ASTN2: variants seen among roughly 807,000 people sequenced by gnomAD.
ASTN2 encodes astrotactin-2.
A neutral mutation model predicts 139.8 loss-of-function variants in ASTN2; 54 were observed. The observed-to-expected ratio is 0.39, with a 90% confidence interval of 0.31 to 0.48. The LOEUF (loss-of-function observed/expected upper bound fraction) is 0.48. Among genes scored for constraint, ASTN2 ranks in the 20% least tolerant of loss-of-function variants. The pLI is 0.95. For missense variants in ASTN2, 1,565 were observed against 1,725.1 expected (o/e 0.91, Z 1.64); for synonymous variants, 756 against 719.5 (o/e 1.05, Z -0.81).
intron 20 of ASTN2, among the ~76,000 whole-genome samples, chr9:116,463,302 C>T (rs1341964299): frequency 6.6e-6 from 1 of 152,102 alleles, no homozygotes; most frequent in Non-Finnish European, 1.5e-5. Context: ...AAATGGTTAT[C>T]CAGTGCTGTC....
At chr9:116,997,596 T>C (rs947249227) in intron 7 of ASTN2, among the ~76,000 whole-genome samples, 2 of 152,198 alleles carry the variant, frequency 1.3e-5, no homozygotes, top group South Asian at 2.1e-4. Context: ...CTTTTCTCAA[T>C]GCTAAGCAAA....
chr9:116,801,353 G>T (rs1026918514), intron 13 of ASTN2, among the ~76,000 whole-genome samples: 12 of 151,814 alleles, frequency 7.9e-5, no homozygotes, highest in African/African-American at 2.9e-4. Context: ...GAGGCCAAGG[G>T]GGGTGGATCG....
chr9:116,844,044 G>C (rs542497781), intron 11 of ASTN2, among the ~76,000 whole-genome samples: 37 of 152,146 alleles, frequency 2.4e-4, no homozygotes, highest in Non-Finnish European at 4.6e-4. Flanking sequence ...ATAAAAATAA[G>C]ATTAATCCAG....
rs141219457 is a variant in ASTN2 at position 117,269,991 on chromosome 9, C to T, written c.630+21335G>A. 5.3e-5 allele frequency among the ~76,000 whole-genome samples: 8 copies of T among 152,148 alleles called. No individual in the cohort carries two copies. The East Asian group carries it at 5.8e-4, about 11-fold the overall frequency. On this transcript the variant is annotated intron_variant, in intron 2 of 22. Coordinates refer to ENST00000313400, the MANE Select transcript of ASTN2 (RefSeq NM_001365068.1). ...TTTCCTATTTTACAGAAAAGAAAGC[C>T]GTGGCTCAAAAAGTGAATTAATTTG...
At chr9:117,072,204 T>C (rs1201979433) in intron 5 of ASTN2, among the ~76,000 whole-genome samples, 1 of 152,174 alleles carries the variant, frequency 6.6e-6, no homozygotes, top group Non-Finnish European at 1.5e-5. Flanking sequence ...AGTAATAAAT[T>C]ATTCTATCGT....
At chr9:116,439,386 G>A (rs1187183397) in intron 22 of ASTN2, among the ~76,000 whole-genome samples, 1 of 145,596 alleles carries the variant, frequency 6.9e-6, no homozygotes, top group South Asian at 2.7e-4. Flanking sequence ...ATTTTTAGTA[G>A]AGACGGGGTT....
At chr9:116,765,678 TA>T (rs1184274157) in intron 13 of ASTN2, among the ~76,000 whole-genome samples, 2 of 152,026 alleles carry the variant, frequency 1.3e-5, no homozygotes, top group Non-Finnish European at 2.9e-5. Context: ...GTACAGGCAT[TA>T]AAAAATACGG....
intron 10 of ASTN2, among the ~76,000 whole-genome samples, chr9:116,948,740 A>T (rs1276506578): frequency 1.3e-5 from 2 of 149,188 alleles, no homozygotes; most frequent in South Asian, 2.2e-4. Context: ...TAAGAGACAG[A>T]AAAACAGAGA....
chr9:117,277,541 G>A (rs1262573323), intron 2 of ASTN2, among the ~76,000 whole-genome samples: 2 of 152,104 alleles, frequency 1.3e-5, no homozygotes, highest in Non-Finnish European at 2.9e-5. Flanking sequence ...ATTAAAAATG[G>A]AACTACCATA....
chr9:116,931,631 T>G (rs1319197341), intron 10 of ASTN2, among the ~76,000 whole-genome samples: 1 of 152,216 alleles, frequency 6.6e-6, no homozygotes, highest in Non-Finnish European at 1.5e-5. Context: ...TACTGGACAC[T>G]GTCTTAGGAG....
At chr9:116,481,171 T>C (rs1338042591) in intron 20 of ASTN2, among the ~76,000 whole-genome samples, 1 of 152,068 alleles carries the variant, frequency 6.6e-6, no homozygotes, top group East Asian at 1.9e-4. Flanking sequence ...GTAAATGGCT[T>C]GAGCTCGAGA....
intron 20 of ASTN2, among the ~76,000 whole-genome samples, chr9:116,472,742 A>T (rs1848852038): frequency 1.4e-5 from 2 of 145,142 alleles, no homozygotes; most frequent in African/African-American, 4.9e-5. Context: ...AGTCTCTACT[A>T]AAAATACAAA....
At position 117,110,620 on chromosome 9, in the gene ASTN2, T is replaced by G. The variant is rs530187926; in HGVS notation, c.1169-14469A>C. On this transcript the variant is annotated intron_variant, in intron 4 of 22. Coordinates refer to ENST00000313400, the MANE Select transcript of ASTN2 (RefSeq NM_001365068.1). ...AGTAACAGACCTATCCTTGTGCAGA[T>G]AATAATGATACATTCTGGACAAAAT... is the stretch of plus-strand genomic sequence containing the variant. 8.5e-4 allele frequency among the ~76,000 whole-genome samples: 129 copies of G among 152,306 alleles called. 1 individual carries two copies. The highest frequency in any genetic ancestry group is 1.3e-3 in the Non-Finnish European group (91 of 68,022).
chr9:116,956,725 C>T (rs1835718982), intron 10 of ASTN2, among the ~76,000 whole-genome samples: 1 of 151,856 alleles, frequency 6.6e-6, no homozygotes, highest in African/African-American at 2.4e-5. Flanking sequence ...ATAACTTCGG[C>T]AAGGTTGCAC....
intron 17 of ASTN2, among the ~76,000 whole-genome samples, chr9:116,626,962 A>G (rs1023567244): frequency 6.6e-6 from 1 of 152,214 alleles, no homozygotes; most frequent in Admixed American, 6.5e-5. Context: ...GCTGCAGAAG[A>G]TTCCAATTAC....
intron 19 of ASTN2, among the ~76,000 whole-genome samples, chr9:116,579,545 G>C (rs1294569602): frequency 6.6e-6 from 1 of 152,170 alleles, no homozygotes; most frequent in Non-Finnish European, 1.5e-5. Context: ...CTTTATGAAA[G>C]AGTGAAAGGA....
intron 16 of ASTN2, among the ~76,000 whole-genome samples, chr9:116,677,668 G>A (rs922301814): frequency 6.6e-6 from 1 of 152,104 alleles, no homozygotes; most frequent in Admixed American, 6.6e-5. Context: ...ATTGGCTTTG[G>A]GTTGCCTTGC....
chr9:117,269,243 C>A (rs1214865688), intron 2 of ASTN2, among the ~76,000 whole-genome samples: 1 of 152,142 alleles, frequency 6.6e-6, no homozygotes, highest in Admixed American at 6.5e-5. Context: ...GTAATGTATT[C>A]ACAGTAGCTA....
chr9:116,769,937 T>C (rs1056676519), intron 13 of ASTN2, among the ~76,000 whole-genome samples: 1 of 151,878 alleles, frequency 6.6e-6, no homozygotes, highest in African/African-American at 2.4e-5. Flanking sequence ...TTTCAGCTAC[T>C]TGGGAGGCTG....
Sources: allele counts gnomAD v4.1 joint callset (sites outside exome capture counted in the v4.1 genomes callset), GRCh38; gene constraint gnomAD v4.1.1; transcripts MANE v1.5; gene names NCBI Gene and HGNC (gene_info 2026-07-23, HGNC 2026-07-21).